The following CRB1 variants were observed in gnomAD, a reference collection of about 807,000 sequenced individuals.
CRB1 encodes crumbs cell polarity complex component 1.
CRB1 carries 83 observed loss-of-function variants against 120.0 expected under a neutral mutation model. The ratio of observed to expected loss-of-function variants is 0.69; its 90% CI spans 0.58 to 0.83. The LOEUF (loss-of-function observed/expected upper bound fraction) is 0.83, where lower values mean the gene tolerates loss of function less well. Among genes scored for constraint, CRB1 ranks in the 40% least tolerant of loss-of-function variants. CRB1 has a pLI of 0.00. For synonymous variants in CRB1, 625 were observed against 612.5 expected, an observed-to-expected ratio of 1.02 and a Z score of -0.30; for missense variants, 1,699 against 1,687.6, an observed-to-expected ratio of 1.01 and a Z score of -0.12.
chr1:197,203,333 T>G, the CRB1 span, among the ~76,000 whole-genome samples: 1 of 150,352 alleles, frequency 6.7e-6, no homozygotes, highest in Non-Finnish European at 1.5e-5. Flanking sequence ...TTTTTTTTTC[T>G]TTTTTTGAGA....
intron 1 of CRB1, among the ~76,000 whole-genome samples, chr1:197,313,214 G>A (rs1189411104): frequency 6.6e-6 from 1 of 152,144 alleles, no homozygotes; most frequent in Admixed American, 6.5e-5. Flanking sequence ...ACTATCACAA[G>A]AACATCATGG....
chr1:197,235,605 C>T, the CRB1 span, among the ~76,000 whole-genome samples: 119 of 152,228 alleles, frequency 7.8e-4, no homozygotes, highest in African/African-American at 2.6e-3. Flanking sequence ...CAGCCATCAG[C>T]GAAACCACCC....
intron 1 of CRB1, among the ~76,000 whole-genome samples, chr1:197,324,714 G>A (rs1026619060): frequency 6.6e-6 from 1 of 152,222 alleles, no homozygotes; most frequent in South Asian, 2.1e-4. Context: ...AACTTCATGC[G>A]CTTATCCACT....
intron 1 of CRB1, among the ~76,000 whole-genome samples, chr1:197,311,976 G>A (rs371341858): frequency 6.6e-6 from 1 of 152,040 alleles, no homozygotes. Flanking sequence ...ATAGCCAAGT[G>A]TAAGTAAAAC....
At chr1:197,288,674 A>G (rs763380042) in intron 1 of CRB1, among the ~76,000 whole-genome samples, 10 of 151,966 alleles carry the variant, frequency 6.6e-5, no homozygotes, top group Admixed American at 1.3e-4. Context: ...GAAAGAATCT[A>G]CAAGGTATAA....
At chr1:197,273,985 G>C (rs768658980) in intron 1 of CRB1, among the ~76,000 whole-genome samples, 1 of 152,038 alleles carries the variant, frequency 6.6e-6, no homozygotes, top group South Asian at 2.1e-4. Context: ...TCAGCTGAAA[G>C]AGCACAGAAA....
chr1:197,304,238 A>T (rs143627259), intron 1 of CRB1: 1 of 197,760 alleles, frequency 5.1e-6, no homozygotes, highest in African/African-American at 2.4e-5. Flanking sequence ...AATATAATAT[A>T]CTCTTTAATA....
chr1:197,242,636 TTC>T, the CRB1 span, among the ~76,000 whole-genome samples: 1 of 151,848 alleles, frequency 6.6e-6, no homozygotes, highest in Non-Finnish European at 1.5e-5. Context: ...GCCTGAAATT[TTC>T]TTTTGTTGTG....
At chr1:197,340,545 T>C (rs1659392905) in intron 2 of CRB1, among the ~76,000 whole-genome samples, 1 of 152,014 alleles carries the variant, frequency 6.6e-6, no homozygotes, top group Admixed American at 6.6e-5. Flanking sequence ...AAGTCAATAA[T>C]AGTGAGAGCA....
chr1:197,366,686 C>A (rs79801785), intron 5 of CRB1, among the ~76,000 whole-genome samples: 2,294 of 152,208 alleles, frequency 0.015, 66 homozygotes, highest in African/African-American at 0.053. Flanking sequence ...GGCAGAGAAT[C>A]CTAGTGAGAG....
chr1:197,235,347 A>C, the CRB1 span, among the ~76,000 whole-genome samples: 2 of 152,202 alleles, frequency 1.3e-5, no homozygotes, highest in Non-Finnish European at 2.9e-5. Context: ...GCAGTCAGAG[A>C]GAGAACTCAA....
intron 5 of CRB1, among the ~76,000 whole-genome samples, chr1:197,412,716 CA>C (rs1663773482): frequency 6.6e-6 from 1 of 152,146 alleles, no homozygotes; most frequent in Non-Finnish European, 1.5e-5. Flanking sequence ...CTGTATGCTT[CA>C]AAAAGCAAGA....
chr1:197,216,400 A>C, the CRB1 span, among the ~76,000 whole-genome samples: 12 of 152,202 alleles, frequency 7.9e-5, no homozygotes, highest in South Asian at 2.1e-4. Flanking sequence ...AGATCCTGAT[A>C]ATAAGTCAGT....
chr1:197,458,657 C>T (rs889508266), intron 11 of CRB1, among the ~76,000 whole-genome samples: 1 of 152,100 alleles, frequency 6.6e-6, no homozygotes, highest in Non-Finnish European at 1.5e-5. Flanking sequence ...TGAAAGAATG[C>T]AAGCATCTTC....
At chr1:197,447,349 G>T (rs903864635) in intron 11 of CRB1, 7 of 152,242 alleles carry the variant, frequency 4.6e-5, no homozygotes, top group Non-Finnish European at 8.8e-5. Context: ...AGGAGGGAGA[G>T]ATGCCAGCAA....
intron 1 of CRB1, among the ~76,000 whole-genome samples, chr1:197,294,753 G>A (rs1037985325): frequency 6.6e-6 from 1 of 152,142 alleles, no homozygotes; most frequent in Admixed American, 6.5e-5. Flanking sequence ...CATGTCCTTT[G>A]TAGGGACATG....
At chr1:197,373,003 C>G (rs989849443) in intron 5 of CRB1, among the ~76,000 whole-genome samples, 4 of 152,078 alleles carry the variant, frequency 2.6e-5, no homozygotes, top group African/African-American at 9.7e-5. Flanking sequence ...GAATAAGAAG[C>G]CTAAGTGCCT....
intron 1 of CRB1, among the ~76,000 whole-genome samples, chr1:197,286,556 C>A: frequency 6.6e-6 from 1 of 151,930 alleles, no homozygotes; most frequent in East Asian, 1.9e-4. Context: ...CAGATTTCAA[C>A]TTTCTGTCCA....
intron 4 of CRB1, among the ~76,000 whole-genome samples, chr1:197,348,229 G>A (rs1659887381): frequency 6.6e-6 from 1 of 152,124 alleles, no homozygotes; most frequent in East Asian, 1.9e-4. Flanking sequence ...GATTGTGGTG[G>A]TCCCTCAGGA....
Sources: gnomAD v4.1 joint callset for allele counts (sites outside exome capture counted in the v4.1 genomes callset) on GRCh38, gnomAD v4.1.1 for gene constraint, MANE v1.5 for transcripts, NCBI Gene and HGNC (gene_info 2026-07-23, HGNC 2026-07-21) for gene names.